Variants in BRAF observed in about 807,000 individuals in gnomAD.
BRAF encodes the protein B-Raf proto-oncogene, serine/threonine kinase.
A neutral mutation model predicts 104.6 loss-of-function variants in BRAF; 16 were observed. The ratio of observed to expected loss-of-function variants is 0.15; its 90% confidence interval spans 0.10 to 0.23. The LOEUF is 0.23. BRAF is among the 10% of genes least tolerant of loss of function. The pLI, the probability that BRAF is intolerant of heterozygous loss-of-function variation, is 1.00. For synonymous variants in BRAF, 310 were observed against 341.6 expected (o/e 0.91, Z 1.02); for missense variants, 541 against 937.3 (o/e 0.58, Z 5.52).
chr7:140,861,915 A>C (rs950651120), intron 1 of BRAF, among the ~76,000 whole-genome samples: 3 of 152,186 alleles, frequency 2.0e-5, no homozygotes, highest in African/African-American at 7.2e-5. Context: ...CTAAGTAAGT[A>C]AGCTAGCTCC....
At chr7:140,909,788 C>G (rs1816757935) in intron 1 of BRAF, among the ~76,000 whole-genome samples, 1 of 151,574 alleles carries the variant, frequency 6.6e-6, no homozygotes, top group Non-Finnish European at 1.5e-5. Context: ...GCCTGGGCAA[C>G]AAGAGCGAAA....
At chr7:140,764,993 C>A (rs777949911) in intron 14 of BRAF, among the ~76,000 whole-genome samples, 8 of 152,178 alleles carry the variant, frequency 5.3e-5, no homozygotes, top group Non-Finnish European at 1.2e-4. Context: ...ATCACCAAGG[C>A]AATCCTAAGC....
In BRAF at chr7:140,723,386, A is replaced by G. The variant is rs899638842; in HGVS notation, c.*3108T>C. 5 of 1,054,284 alleles carry G rather than the reference A, an allele frequency of 4.7e-6. No homozygotes were observed. Among genetic ancestry groups the G allele is most frequent in the Non-Finnish European group, 5.7e-6 (5 of 872,668 alleles). 65.3% of individuals were successfully genotyped at this position (1,054,284 alleles called of 1,614,324 possible). ...CACCAACATAAATATAGCATATATC[A>G]TTTGTATGGGATTTTATCTTCTAAA... is the stretch of plus-strand genomic sequence containing the variant. On this transcript the variant is annotated 3_prime_UTR_variant, in exon 20 of 20. Transcript: ENST00000644969.
chr7:140,909,809 A>AAACAACAACAACAAC (rs142186028), intron 1 of BRAF, among the ~76,000 whole-genome samples: 3 of 148,670 alleles, frequency 2.0e-5, no homozygotes, highest in Non-Finnish European at 4.4e-5. Flanking sequence ...CTCCGTCTCA[A>AAACAACAACAACAAC]AACAACAACA....
At chr7:140,713,551 T>C in the BRAF span, among the ~76,000 whole-genome samples, 4 of 152,302 alleles carry the variant, frequency 2.6e-5, no homozygotes, top group African/African-American at 9.6e-5. Context: ...TTGCCATTGA[T>C]TTGAATTTCC....
intron 14 of BRAF, among the ~76,000 whole-genome samples, chr7:140,772,188 G>C (rs1799909895): frequency 6.6e-6 from 1 of 152,058 alleles, no homozygotes; most frequent in Admixed American, 6.6e-5. Context: ...GCAACAGTTA[G>C]GATTTGAAGA....
chr7:140,725,457 T>C lies in BRAF; in HGVS notation c.*1037A>G, dbSNP rs965598116. 39 of 931,262 alleles carry C rather than the reference T, an allele frequency of 4.2e-5. No homozygotes were observed. The highest frequency in any genetic ancestry group is 4.8e-5 in the Non-Finnish European group (37 of 764,862). 57.7% of individuals were successfully genotyped at this position (931,262 alleles called of 1,614,324 possible). The stretch of plus-strand genomic sequence containing the variant: ...TTCCAATTCAATTAAATCTGAAAAT[T>C]ATTTTCTTTTTAATAAAAATAGAAA... On this transcript the variant is annotated 3_prime_UTR_variant, in exon 20 of 20. Coordinates refer to ENST00000644969, the MANE Select transcript of BRAF (RefSeq NM_001374258.1).
Position 140,924,427 on chromosome 7 carries a change from C to G in BRAF, c.138+139G>C. ...GACGGAGAGGGACACGGGGGCGATG[C>G]CCACCTCCCAGCCCGCGGAGCTGGC... On this transcript the variant is annotated intron_variant, in intron 1 of 19. Transcript: ENST00000644969. This position sits in a 1 kb window ranked among gnomAD's most constrained non-coding sequence, Gnocchi z 4.2. 3 of 1,279,406 alleles carry G rather than the reference C, an allele frequency of 2.3e-6. No individual in the cohort carries two copies. The highest frequency in any genetic ancestry group is 2.6e-5 in the East Asian group (1 of 38,596). 79.3% of individuals were successfully genotyped at this position (1,279,406 alleles called of 1,614,324 possible).
chr7:140,769,741 T>C (rs1319026111), intron 14 of BRAF, among the ~76,000 whole-genome samples: 1 of 152,166 alleles, frequency 6.6e-6, no homozygotes, highest in Non-Finnish European at 1.5e-5. Context: ...ATGTCCTTAA[T>C]GTTTTAAGTT....
At chr7:140,816,782 G>A (rs1399184174) in intron 3 of BRAF, among the ~76,000 whole-genome samples, 1 of 152,028 alleles carries the variant, frequency 6.6e-6, no homozygotes, top group Non-Finnish European at 1.5e-5. Context: ...ACTCAAAGAT[G>A]TTAAAATTAA....
Position 140,726,106 on chromosome 7 carries a change from C to G in BRAF, c.*388G>C. On this transcript the variant is annotated 3_prime_UTR_variant, in exon 20 of 20. Transcript: ENST00000644969. ...AACTGCCCCATCAGATGATCAGCCA[C>G]AAATTGATCTGGTGGTTAGAAGGGC... The G allele has an allele frequency of 2.7e-6, 3 of 1,091,924 alleles. No individual in the cohort carries two copies. Among genetic ancestry groups the G allele is most frequent in the Non-Finnish European group, 3.3e-6 (3 of 897,114 alleles). The allele number at this position is 1,091,924 out of a possible 1,614,324, so 67.6% of individuals were successfully genotyped here.
chr7:140,769,680 C>A (rs764492439), intron 14 of BRAF, among the ~76,000 whole-genome samples: 2 of 152,142 alleles, frequency 1.3e-5, no homozygotes, highest in Non-Finnish European at 2.9e-5. Context: ...CAAGTCTTCT[C>A]CTGATGAACA....
At chr7:140,787,084 G>A (rs1801436454) in intron 9 of BRAF, among the ~76,000 whole-genome samples, 1 of 151,776 alleles carries the variant, frequency 6.6e-6, no homozygotes, top group African/African-American at 2.4e-5. Context: ...GGCGGATCAC[G>A]AGGTCAGGAG....
intron 1 of BRAF, among the ~76,000 whole-genome samples, chr7:140,883,284 A>G (rs1037005781): frequency 6.6e-6 from 1 of 152,112 alleles, no homozygotes; most frequent in African/African-American, 2.4e-5. Flanking sequence ...ATTTAGTCAC[A>G]CCATATGACA....
chr7:140,769,481 C>T (rs1027359968), intron 14 of BRAF, among the ~76,000 whole-genome samples: 1 of 152,184 alleles, frequency 6.6e-6, no homozygotes. Context: ...TACATATATA[C>T]ATACACACCA....
rs905161529 is a variant in BRAF, at chr7:140,720,766, A to G, written c.*5728T>C. On this transcript the variant is annotated 3_prime_UTR_variant, in exon 20 of 20. Coordinates refer to ENST00000644969, the MANE Select transcript of BRAF (RefSeq NM_001374258.1). ...GACTTCCAACTCATACTCCACCAAA[A>G]CACACGTGGGTTCAAAAACTTAACA... 11 of 1,065,914 alleles carry G rather than the reference A, an allele frequency of 1.0e-5. No individual in the cohort carries two copies. The African/African-American group carries it at 1.8e-4, about 17-fold the overall frequency. The allele number at this position is 1,065,914 out of a possible 1,614,324, so 66.0% of individuals were successfully genotyped here.
Position 140,733,921 on chromosome 7 carries a change from C to T in BRAF, c.2401+696G>A, listed in dbSNP as rs907027442. 8 of 827,010 alleles carry T rather than the reference C, an allele frequency of 9.7e-6. No individual in the cohort carries two copies. The African/African-American group carries it at 1.1e-4, about 12-fold the overall frequency. 51.2% of individuals were successfully genotyped at this position (827,010 alleles called of 1,614,324 possible). A position where few individuals can be genotyped will look rare whatever the true frequency, so the allele number is the denominator to read the frequency against. On this transcript the variant is annotated intron_variant, in intron 19 of 19. Coordinates refer to ENST00000644969, the MANE Select transcript of BRAF (RefSeq NM_001374258.1). Reference sequence around the variant, plus strand: ...ATTTAAAAGAAACTCCAATTTATAACATTTTCCCGCTAAAAATCCGAAGTT... The same window carrying T: ...ATTTAAAAGAAACTCCAATTTATAATATTTTCCCGCTAAAAATCCGAAGTT...
At chr7:140,789,081 C>T (rs967732800) in intron 8 of BRAF, among the ~76,000 whole-genome samples, 8 of 151,466 alleles carry the variant, frequency 5.3e-5, no homozygotes, top group Admixed American at 1.3e-4. Context: ...TGGTGGCACG[C>T]GACTGTAATC....
intron 3 of BRAF, among the ~76,000 whole-genome samples, chr7:140,810,832 T>A (rs1039443697): frequency 6.6e-6 from 1 of 152,212 alleles, no homozygotes; most frequent in Non-Finnish European, 1.5e-5. Context: ...CCAACTGAGG[T>A]TGAACAGTGA....
Sources: allele counts gnomAD v4.1 joint callset (sites outside exome capture counted in the v4.1 genomes callset), GRCh38; gene constraint gnomAD v4.1.1; non-coding constraint Gnocchi (gnomAD v3.1); transcripts MANE v1.5; gene names NCBI Gene and HGNC (gene_info 2026-07-23, HGNC 2026-07-21).